The following TAF1 variants were observed in gnomAD, a reference collection of about 807,000 sequenced individuals.
The protein encoded by TAF1 is TATA-box binding protein associated factor 1.
In TAF1, 2 loss-of-function variants were observed where a neutral mutation model predicts 138.5. That is an observed-to-expected ratio of 0.01 (90% CI 0.01 to 0.05). TAF1 has a LOEUF of 0.05. Among genes scored for constraint, TAF1 ranks in the 10% least tolerant of loss-of-function variants. The probability of loss-of-function intolerance (pLI) is 1.00; values close to 1 mark genes in which losing one functional copy is unlikely to be tolerated. For synonymous variants in TAF1, 437 were observed against 503.2 expected (o/e 0.87, Z 1.76); for missense variants, 709 against 1,478.0 (o/e 0.48, Z 8.53).
At chrX:71,369,884 AT>A (rs1234626374) in intron 3 of TAF1, among the ~76,000 whole-genome samples, 1 of 107,248 alleles carries the variant, frequency 9.3e-6, no homozygotes, top group Non-Finnish European at 1.9e-5. Context: ...AAGTGCTGGG[AT>A]TACAGGCATG....
chrX:71,424,081 T>C lies in TAF1; in HGVS notation c.4668+15T>C. The C allele has an allele frequency of 8.3e-7, 1 of 1,201,748 alleles. No homozygotes were observed. Among genetic ancestry groups the C allele is most frequent in the Non-Finnish European group, 1.1e-6 (1 of 886,884 alleles). ...CCATACGTAAGGTGAGTGAGTGATT[T>C]GATCTAAATGCCTTTTTGTAATCAA... On this transcript the variant is annotated intron_variant, in intron 31 of 37. Transcript: ENST00000423759.
chrX:71,504,114 A>G (rs1006954282), intron 13 of TAF1, among the ~76,000 whole-genome samples: 1 of 111,126 alleles, frequency 9.0e-6, no homozygotes, highest in African/African-American at 3.3e-5. Flanking sequence ...TGTGAACAGC[A>G]GCTTTAGCAT....
At chrX:71,379,066 T>C (rs758422607) in intron 8 of TAF1, 35 bp downstream of exon 8, 1 of 1,112,765 alleles carries the variant, frequency 9.0e-7, no homozygotes, top group South Asian at 1.9e-5. Flanking sequence ...TAGCAGATAC[T>C]GCCCTTAATC....
At chrX:71,385,790 C>T (rs1237851148) in intron 14 of TAF1, among the ~76,000 whole-genome samples, 2 of 112,042 alleles carry the variant, frequency 1.8e-5, no homozygotes, top group Non-Finnish European at 1.9e-5. Flanking sequence ...TTGTTCTTCT[C>T]CTTTCCCTGG....
At chrX:71,423,863 A>G (rs2036472832) in intron 30 of TAF1, 111 bp from the exon 31 acceptor site, 1 of 574,530 alleles carries the variant, frequency 1.7e-6, no homozygotes, top group South Asian at 3.2e-5. Context: ...GTGTTTTTCT[A>G]GGAAAAGAGT....
chrX:71,376,514 A>T (rs1188637125), intron 4 of TAF1, among the ~76,000 whole-genome samples: 2 of 109,997 alleles, frequency 1.8e-5, no homozygotes, highest in Non-Finnish European at 3.8e-5. Flanking sequence ...AAAAATGCAA[A>T]AATTTAGCCA....
intron 25 of TAF1, among the ~76,000 whole-genome samples, chrX:71,405,704 A>G (rs1014529897): frequency 7.1e-5 from 8 of 111,948 alleles, no homozygotes; most frequent in Non-Finnish European, 1.3e-4. Context: ...GTTTTTTGAA[A>G]CACATTAGAA....
chrX:71,454,098 C>T (rs761275318), intron 32 of TAF1, 72 bp from the exon 33 acceptor site: 241 of 955,657 alleles, frequency 2.5e-4, no homozygotes, highest in Non-Finnish European at 3.4e-4. Flanking sequence ...ATGGGACACA[C>T]TGCTGATGAC....
chrX:71,492,925 G>A (rs1208518641), intron 13 of TAF1: 1 of 113,159 alleles, frequency 8.8e-6, no homozygotes. Context: ...CCAGCCCCCA[G>A]CCCTAGCCTC....
intron 13 of TAF1, among the ~76,000 whole-genome samples, chrX:71,473,131 TA>T (rs1293846415): frequency 8.9e-6 from 1 of 111,955 alleles, no homozygotes; most frequent in Non-Finnish European, 1.9e-5. Flanking sequence ...GTGTCACAGG[TA>T]GTCAGATAGA....
At chrX:71,454,130 A>G in intron 32 of TAF1, 40 bp from the exon 33 acceptor site, 2 of 1,140,024 alleles carry the variant, frequency 1.8e-6, no homozygotes, top group Non-Finnish European at 2.4e-6. Flanking sequence ...TTCTGGAACA[A>G]GTCTGCAAAG....
At chrX:71,422,560 A>G (rs747645931) in intron 29 of TAF1, among the ~76,000 whole-genome samples, 37 of 104,674 alleles carry the variant, frequency 3.5e-4, no homozygotes, top group African/African-American at 1.2e-3. Context: ...TCCTGGCCTC[A>G]TATGATCCAC....
At chrX:71,474,385 A>G (rs1371322267) in intron 13 of TAF1, among the ~76,000 whole-genome samples, 2 of 111,700 alleles carry the variant, frequency 1.8e-5, no homozygotes, top group African/African-American at 6.5e-5. Flanking sequence ...AGCACCTGTT[A>G]TAAGACTATA....
At chrX:71,484,863 C>G (rs1417717479) in intron 13 of TAF1, 1 of 111,804 alleles carries the variant, frequency 8.9e-6, no homozygotes, top group Non-Finnish European at 1.9e-5. Flanking sequence ...TATGCTCTTG[C>G]TTTCTTTTGC....
At chrX:71,400,646 A>T (rs1162452833) in intron 24 of TAF1, among the ~76,000 whole-genome samples, 1 of 112,047 alleles carries the variant, frequency 8.9e-6, no homozygotes, top group East Asian at 2.8e-4. Context: ...TGTTTCTGCC[A>T]TTTAATAGGT....
At chrX:71,411,985 A>G (rs972246503) in intron 28 of TAF1, among the ~76,000 whole-genome samples, 56 of 110,738 alleles carry the variant, frequency 5.1e-4, no homozygotes, top group African/African-American at 1.8e-3. Context: ...TGAACTCCCA[A>G]CCTCAGGTGA....
intron 4 of TAF1, among the ~76,000 whole-genome samples, chrX:71,376,520 A>T (rs2033481344): frequency 9.1e-6 from 1 of 110,126 alleles, no homozygotes; most frequent in African/African-American, 3.3e-5. Context: ...GCAAAAATTT[A>T]GCCAGCTGTC....
chrX:71,514,610 G>A (rs998518267), intron 13 of TAF1, among the ~76,000 whole-genome samples: 6 of 111,172 alleles, frequency 5.4e-5, no homozygotes, highest in African/African-American at 2.0e-4. Flanking sequence ...AAGATCTGGT[G>A]CTTTGTGTGT....
chrX:71,411,078 C>T (rs909780895), intron 28 of TAF1, among the ~76,000 whole-genome samples: 14 of 110,280 alleles, frequency 1.3e-4, no homozygotes, highest in Admixed American at 3.9e-4. Flanking sequence ...CCACTACACC[C>T]GGCTGATTTT....
Sources: gnomAD v4.1 joint callset for allele counts (sites outside exome capture counted in the v4.1 genomes callset) on GRCh38, gnomAD v4.1.1 for gene constraint, MANE v1.5 for transcripts, NCBI Gene and HGNC (gene_info 2026-07-23, HGNC 2026-07-21) for gene names.